Variants in CHST6 observed in about 807,000 individuals in gnomAD.
CHST6 encodes the protein N-acetylglucosamine 6-O-sulfotransferase 5.
For missense variants in CHST6, 698 were observed against 586.2 expected (o/e 1.19, Z -1.97); for synonymous variants, 309 against 276.4 (o/e 1.12, Z -1.17).
At position 75,479,422 on chromosome 16, in the gene CHST6, C is replaced by G; in HGVS notation, c.407G>C (p.Ser136Thr). The change falls in exon 3 of 3, where the codon AGT (serine) becomes ACT (threonine). Residue 136 changes from serine (S) to threonine (T), a missense_variant. By Grantham distance (58) the Ser-to-Thr change is moderately conservative. Coordinates refer to ENST00000332272, the MANE Select transcript of CHST6 (RefSeq NM_021615.5). The part of the protein sequence containing the change: ...SRALCSPPAC[S>T]AFPRGAISSE... ...GCTGATGGCGCCTCGGGGAAAGGCA[C>G]TGCAGGCGGGTGGCGAGCACAGTGC... is the stretch of plus-strand genomic sequence containing the variant. 2 of 1,612,976 alleles carry G rather than the reference C, an allele frequency of 1.2e-6. No homozygotes were observed. The highest frequency in any genetic ancestry group is 1.7e-6 in the Non-Finnish European group (2 of 1,179,850).
At position 75,479,387 on chromosome 16, in the gene CHST6, C is replaced by T. The variant is rs766778886; in HGVS notation, c.442G>A (p.Val148Met). The T allele has an allele frequency of 1.9e-6, 3 of 1,612,552 alleles. No individual in the cohort carries two copies. Among genetic ancestry groups the T allele is most frequent in the South Asian group, 1.1e-5 (1 of 91,066 alleles). ...TGCCGCGCGCACAGTGGCTTGCACA[C>T]GGCCTCGCTGCTGATGGCGCCTCGG... ...FPRGAISSEA[V>M]CKPLCARQSF... The change falls in exon 3 of 3, where the codon GTG becomes ATG. Residue 148 changes from valine to methionine, a missense_variant. Transcript: ENST00000332272.
chr16:75,487,091 C>T (rs994181148), intron 1 of CHST6, among the ~76,000 whole-genome samples: 27 of 152,206 alleles, frequency 1.8e-4, no homozygotes, highest in Non-Finnish European at 3.5e-4. Flanking sequence ...CCATTGCACT[C>T]AGATACTCTG....
rs2080077111 is a variant in CHST6 at position 75,477,307 on chromosome 16, T to C, written c.*1334A>G. On this transcript the variant is annotated 3_prime_UTR_variant, in exon 3 of 3. Transcript: ENST00000332272. ...CCAGATCTCCCTTGCCCTGCTTGCT[T>C]TGCAGGGAGGATGTGACTCCACAAT... The C allele has an allele frequency of 6.6e-6, 1 of 152,120 alleles. No individual in the cohort carries two copies. 9.4% of individuals were successfully genotyped at this position (152,120 alleles called of 1,614,324 possible).
rs935628552 is a variant in CHST6, at chr16:75,480,021, G to C, written c.-16-177C>G. ...GCCTTAAGACATAACTCAGGATCCA[G>C]TCTAGCTGAGAGCAAAAGTACAAAT... is the stretch of plus-strand genomic sequence containing the variant. On this transcript the variant is annotated intron_variant, in intron 2 of 2. Transcript: ENST00000332272. 7.9e-5 allele frequency among the ~76,000 whole-genome samples: 12 copies of C among 152,348 alleles called. No homozygotes were observed. In the South Asian group the frequency reaches 2.3e-3, roughly 29 times the overall value.
intron 1 of CHST6, among the ~76,000 whole-genome samples, chr16:75,491,971 A>G (rs2738807): frequency 1.0e-3 from 159 of 152,328 alleles, no homozygotes; most frequent in Non-Finnish European, 1.9e-3. Flanking sequence ...CTGTGGCTGA[A>G]GCTGTGCCTG....
intron 1 of CHST6, among the ~76,000 whole-genome samples, chr16:75,483,357 T>A (rs968782203): frequency 2.0e-5 from 3 of 152,204 alleles, no homozygotes; most frequent in African/African-American, 7.2e-5. Flanking sequence ...TTACCTGTGT[T>A]CCAGGGAAGC....
Position 75,478,367 on chromosome 16 carries a change from C to T in CHST6, c.*274G>A. 1 of 508,692 alleles carries T rather than the reference C, an allele frequency of 2.0e-6. No individual in the cohort carries two copies. Among genetic ancestry groups the T allele is most frequent in the Non-Finnish European group, 3.6e-6 (1 of 281,264 alleles). The allele number at this position is 508,692 out of a possible 1,614,324, so 31.5% of individuals were successfully genotyped here. A position where few individuals can be genotyped will look rare whatever the true frequency, so the allele number is the denominator to read the frequency against. On this transcript the variant is annotated 3_prime_UTR_variant, in exon 3 of 3. Transcript: ENST00000332272. ...GAAAGCCCTTGAGTAGGAGCCAAGT[C>T]ATCTGAACGCACACCCTGTGCCCAG... is the stretch of plus-strand genomic sequence containing the variant.
At chr16:75,481,441 C>G (rs914383919) in intron 2 of CHST6, among the ~76,000 whole-genome samples, 1 of 151,880 alleles carries the variant, frequency 6.6e-6, no homozygotes, top group Non-Finnish European at 1.5e-5. Flanking sequence ...AAAAAAAATA[C>G]AAAAATTAGC....
chr16:75,494,106 A>T (rs2080285161), intron 1 of CHST6, among the ~76,000 whole-genome samples: 1 of 152,108 alleles, frequency 6.6e-6, no homozygotes, highest in Admixed American at 6.6e-5. Context: ...CGGCCTCCCA[A>T]AGTGCTGGGA....
intron 1 of CHST6, among the ~76,000 whole-genome samples, chr16:75,489,398 CAAAAAAAAA>C (rs901241278): frequency 3.4e-5 from 2 of 58,128 alleles, no homozygotes; most frequent in African/African-American, 1.2e-4. Flanking sequence ...GACTCTGTCT[CAAAAAAAAA>C]AAAAAAAAAA....
In CHST6 at chr16:75,480,693, C is replaced by T. The variant is rs1255290009; in HGVS notation, c.-16-849G>A. Among the ~76,000 whole-genome samples the T allele has an allele frequency of 2.6e-5, 4 of 151,732 alleles. No individual in the cohort carries two copies. In the East Asian group the frequency reaches 7.7e-4, roughly 29 times the overall value. On this transcript the variant is annotated intron_variant, in intron 2 of 2. Coordinates refer to ENST00000332272, the MANE Select transcript of CHST6 (RefSeq NM_021615.5). ...CCTGTAATCCCAGCACTTTGGGAGG[C>T]CGAGGTGGGTGGATCACCTGAAGTC...
In CHST6 at chr16:75,472,480, C is replaced by G. The variant is rs1450000322; in HGVS notation, c.*6161G>C. 1 of 152,196 alleles carries G rather than the reference C, an allele frequency of 6.6e-6. No homozygotes were observed. The highest frequency in any genetic ancestry group is 6.5e-5 in the Admixed American group (1 of 15,284). The allele number at this position is 152,196 out of a possible 1,614,324, so 9.4% of individuals were successfully genotyped here. A position where few individuals can be genotyped will look rare whatever the true frequency, so the allele number is the denominator to read the frequency against. ...CAATGAAAAAGGAATACAGTTGAGT[C>G]ATAAGCATGAAAAGATGTTCAGCTG... On this transcript the variant is annotated 3_prime_UTR_variant, in exon 3 of 3. Transcript: ENST00000332272.
At chr16:75,483,442 A>G (rs1314534320) in intron 1 of CHST6, among the ~76,000 whole-genome samples, 13 of 152,304 alleles carry the variant, frequency 8.5e-5, no homozygotes, top group East Asian at 7.7e-4. Context: ...AAGAACTAGG[A>G]AGGTGGTTGA....
At chr16:75,484,025 AAAAT>A (rs1490160637) in intron 1 of CHST6, among the ~76,000 whole-genome samples, 6 of 151,576 alleles carry the variant, frequency 4.0e-5, no homozygotes, top group African/African-American at 1.5e-4. Flanking sequence ...CCCTGTCTCA[AAAAT>A]AAATAAATAA....
intron 2 of CHST6, among the ~76,000 whole-genome samples, chr16:75,480,643 T>C (rs1404283775): frequency 6.6e-6 from 1 of 151,636 alleles, no homozygotes; most frequent in African/African-American, 2.4e-5. Flanking sequence ...AATAAGCAAA[T>C]AGGCGCTGGG....
In CHST6 at chr16:75,478,653, G is replaced by GT. The variant is rs2080092902; in HGVS notation, c.1175dup (p.His392GlnfsTer97). 6.2e-7 allele frequency: 1 copy of GT among 1,613,554 alleles called. No individual in the cohort carries two copies. Among genetic ancestry groups the GT allele is most frequent in the Non-Finnish European group, 8.5e-7 (1 of 1,179,994 alleles). ...ACTGTGGCCTCCACTAATTTCGGGG[G>GT]TGCGAGGCGGTGGATGATGCCCAAG... On this transcript the variant is annotated frameshift_variant, in exon 3 of 3. Coordinates refer to ENST00000332272, the MANE Select transcript of CHST6 (RefSeq NM_021615.5). LOFTEE classifies it high-confidence loss of function.
intron 2 of CHST6, among the ~76,000 whole-genome samples, chr16:75,480,806 G>A (rs2080132497): frequency 6.6e-6 from 1 of 151,300 alleles, no homozygotes; most frequent in African/African-American, 2.4e-5. Context: ...GCGGGCACCT[G>A]TAATCCCCAG....
chr16:75,487,407 G>A (rs557573572), intron 1 of CHST6, among the ~76,000 whole-genome samples: 12 of 152,264 alleles, frequency 7.9e-5, no homozygotes, highest in Non-Finnish European at 1.5e-4. Flanking sequence ...GCTCACACCT[G>A]TAATACCAGC....
intron 1 of CHST6, among the ~76,000 whole-genome samples, chr16:75,483,467 CAG>C (rs1470133191): frequency 6.6e-6 from 1 of 152,194 alleles, no homozygotes; most frequent in African/African-American, 2.4e-5. Flanking sequence ...TCCTACGCCA[CAG>C]AGTCTCCAGA....
Sources: gnomAD v4.1 joint callset for allele counts (sites outside exome capture counted in the v4.1 genomes callset) on GRCh38, gnomAD v4.1.1 for gene constraint, MANE v1.5 for transcripts, NCBI Gene and HGNC (gene_info 2026-07-23, HGNC 2026-07-21) for gene names.